Variants in SFMBT2 observed in about 807,000 individuals in gnomAD.
SFMBT2 encodes the protein Scm like with four mbt domains 2.
SFMBT2 carries 38 observed loss-of-function variants against 110.1 expected under a neutral mutation model. The ratio of observed to expected loss-of-function variants is 0.35; its 90% confidence interval spans 0.27 to 0.45. The LOEUF (loss-of-function observed/expected upper bound fraction) is 0.45, where lower values mean the gene tolerates loss of function less well. SFMBT2 is among the 20% of genes least tolerant of loss of function. The pLI is 1.00. For synonymous variants in SFMBT2, 425 were observed against 425.4 expected (o/e 1.00, Z 0.01); for missense variants, 1,011 against 1,094.9 (o/e 0.92, Z 1.08).
intron 11 of SFMBT2, among the ~76,000 whole-genome samples, chr10:7,218,976 CT>C (rs1199232293): frequency 6.6e-6 from 1 of 152,144 alleles, no homozygotes; most frequent in Admixed American, 6.5e-5. Flanking sequence ...TAAATAATGA[CT>C]GCAAAAGAAT....
At chr10:7,386,850 T>C (rs2132094149) in intron 1 of SFMBT2, among the ~76,000 whole-genome samples, 1 of 152,336 alleles carries the variant, frequency 6.6e-6, no homozygotes, top group South Asian at 2.1e-4. Flanking sequence ...AACTCTAGGA[T>C]GTAGGTTATA....
chr10:7,202,646 T>TA, intron 12 of SFMBT2, 124 bp from the exon 13 acceptor site: 2 of 1,552,138 alleles, frequency 1.3e-6, no homozygotes, highest in African/African-American at 2.7e-5. Flanking sequence ...GCTGAAAAGT[T>TA]ACGTCATTCA....
intron 7 of SFMBT2, among the ~76,000 whole-genome samples, chr10:7,267,317 C>T (rs1309999939): frequency 1.3e-5 from 2 of 152,222 alleles, no homozygotes; most frequent in African/African-American, 4.8e-5. Context: ...AGTGTAATGA[C>T]TTCTGAATCC....
chr10:7,205,569 A>G, intron 12 of SFMBT2: 1 of 985,450 alleles, frequency 1.0e-6, no homozygotes, highest in Non-Finnish European at 1.2e-6. Flanking sequence ...TGATGATTTC[A>G]GATATTTTTC....
chr10:7,394,528 G>A (rs751363542), intron 1 of SFMBT2, among the ~76,000 whole-genome samples: 27 of 96,466 alleles, frequency 2.8e-4, no homozygotes, highest in African/African-American at 1.1e-3. Context: ...ACAACTCCCC[G>A]ACACGCTCAC....
intron 7 of SFMBT2, among the ~76,000 whole-genome samples, chr10:7,253,494 C>T (rs1013341464): frequency 6.6e-6 from 1 of 152,196 alleles, no homozygotes; most frequent in Non-Finnish European, 1.5e-5. Context: ...AAAACCCACA[C>T]ATGTGATGTT....
At chr10:7,348,085 T>C (rs910153786) in intron 4 of SFMBT2, 6 of 415,394 alleles carry the variant, frequency 1.4e-5, no homozygotes, top group African/African-American at 1.0e-4. Context: ...ACCCGGCATA[T>C]AAATCATCAT....
At chr10:7,208,701 G>A (rs11594825) in intron 11 of SFMBT2, among the ~76,000 whole-genome samples, 17 of 140,722 alleles carry the variant, frequency 1.2e-4, no homozygotes, top group East Asian at 4.5e-4. Flanking sequence ...AAAAAAAAAA[G>A]AAAAAAAAAA....
At chr10:7,281,978 G>T (rs2131837380) in intron 6 of SFMBT2, among the ~76,000 whole-genome samples, 1 of 152,232 alleles carries the variant, frequency 6.6e-6, no homozygotes, top group South Asian at 2.1e-4. Context: ...CTAAGTAGCT[G>T]GGACTACAGG....
intron 7 of SFMBT2, among the ~76,000 whole-genome samples, chr10:7,259,409 G>C (rs939865945): frequency 1.3e-5 from 2 of 152,220 alleles, no homozygotes; most frequent in Admixed American, 6.5e-5. Context: ...ACCACTTCCA[G>C]GTGAGAAACA....
intron 11 of SFMBT2, among the ~76,000 whole-genome samples, chr10:7,208,701 GA>G (rs147832810): frequency 0.44 from 62,127 of 140,692 alleles, 13,276 homozygotes; most frequent in Middle Eastern, 0.61. Context: ...AAAAAAAAAA[GA>G]AAAAAAAAAA....
intron 4 of SFMBT2, among the ~76,000 whole-genome samples, chr10:7,338,243 A>G (rs896307798): frequency 6.6e-6 from 1 of 152,250 alleles, no homozygotes; most frequent in African/African-American, 2.4e-5. Context: ...CACTTCTGCC[A>G]TACCTCAAAA....
At chr10:7,376,727 CAAAAAAAAAAAAAAAAAA>C (rs35816107) in intron 2 of SFMBT2, among the ~76,000 whole-genome samples, 1 of 44,736 alleles carries the variant, frequency 2.2e-5, no homozygotes, top group Non-Finnish European at 3.6e-5. Flanking sequence ...GGCCCTCCCA[CAAAAAAAAAAAAAAAAAA>C]AAAAAAAAAA....
chr10:7,267,459 T>C (rs753949787), intron 7 of SFMBT2, among the ~76,000 whole-genome samples: 12 of 152,186 alleles, frequency 7.9e-5, no homozygotes, highest in Non-Finnish European at 1.8e-4. Flanking sequence ...TTTCTGTTTG[T>C]TTGTTTGAGA....
intron 7 of SFMBT2, among the ~76,000 whole-genome samples, chr10:7,261,950 C>T (rs1450230066): frequency 6.6e-6 from 1 of 152,242 alleles, no homozygotes; most frequent in Non-Finnish European, 1.5e-5. Context: ...TTTATTGACA[C>T]CCAGCAAAGT....
chr10:7,297,175 A>G (rs1842427981), intron 4 of SFMBT2, among the ~76,000 whole-genome samples: 1 of 152,262 alleles, frequency 6.6e-6, no homozygotes. Flanking sequence ...AACAGCAATG[A>G]ATCAGTCATC....
At chr10:7,266,595 C>T (rs371572339) in intron 7 of SFMBT2, among the ~76,000 whole-genome samples, 1 of 152,178 alleles carries the variant, frequency 6.6e-6, no homozygotes, top group African/African-American at 2.4e-5. Flanking sequence ...CCAGGCATCC[C>T]GCCCTGATGA....
rs1205172784 is a variant in SFMBT2 at position 7,226,547 on chromosome 10, A to G, written c.1203+1308T>C. 2.0e-5 allele frequency among the ~76,000 whole-genome samples: 3 copies of G among 152,392 alleles called. No homozygotes were observed. In the East Asian group the frequency reaches 5.8e-4, roughly 29 times the overall value. The stretch of plus-strand genomic sequence containing the variant: ...AGCGAGTGCTTTGCACTGTTGTTAC[A>G]GATCTCAAGTAAGAGGAGGCTATAA... On this transcript the variant is annotated intron_variant, in intron 10 of 20. Transcript: ENST00000397167.
chr10:7,364,180 C>T (rs1336223941), intron 4 of SFMBT2, among the ~76,000 whole-genome samples: 2 of 152,198 alleles, frequency 1.3e-5, no homozygotes, highest in African/African-American at 4.8e-5. Flanking sequence ...CCTGACTCTG[C>T]TCTCCATATT....
Sources: allele counts gnomAD v4.1 joint callset (sites outside exome capture counted in the v4.1 genomes callset), GRCh38; gene constraint gnomAD v4.1.1; transcripts MANE v1.5; gene names NCBI Gene and HGNC (gene_info 2026-07-23, HGNC 2026-07-21).